The following BIRC6 variants were observed in gnomAD, a reference collection of about 807,000 sequenced individuals.
The protein encoded by BIRC6 is dual E2 ubiquitin-conjugating enzyme/E3 ubiquitin-protein ligase BIRC6.
A neutral mutation model predicts 503.3 loss-of-function variants in BIRC6; 98 were observed. That is an observed-to-expected ratio of 0.19 (90% CI 0.17 to 0.23). BIRC6 has a LOEUF of 0.23. Among genes scored for constraint, BIRC6 ranks in the 10% least tolerant of loss-of-function variants. The pLI, the probability that BIRC6 is intolerant of heterozygous loss-of-function variation, is 1.00. For synonymous variants in BIRC6, 2,240 were observed against 2,078.7 expected (o/e 1.08, Z -2.11); for missense variants, 5,360 against 5,806.0 (o/e 0.92, Z 2.50).
intron 70 of BIRC6, among the ~76,000 whole-genome samples, chr2:32,600,936 G>A (rs538346702): frequency 2.6e-4 from 40 of 152,306 alleles, no homozygotes; most frequent in Admixed American, 9.8e-4. Context: ...CACTTTGGAA[G>A]AAGAATAATT....
At chr2:32,407,492 A>G (rs1225900433) in intron 9 of BIRC6, among the ~76,000 whole-genome samples, 2 of 151,888 alleles carry the variant, frequency 1.3e-5, no homozygotes, top group East Asian at 1.9e-4. Flanking sequence ...AAGTTCATAT[A>G]AAGTGTAGTG....
In BIRC6 at chr2:32,445,546, A is replaced by C; in HGVS notation, c.4362A>C (p.Leu1454Phe). 2 of 1,593,576 alleles carry C rather than the reference A, an allele frequency of 1.3e-6. No homozygotes were observed. Among genetic ancestry groups the C allele is most frequent in the Non-Finnish European group, 1.7e-6 (2 of 1,170,980 alleles). The change falls in exon 21 of 74, where the codon TTA (leucine) becomes TTC (phenylalanine). Residue 1454 changes from leucine (L) to phenylalanine (F), a missense_variant. Physicochemically the swap from Leu to Phe is conservative, Grantham distance 22. Coordinates refer to ENST00000421745, the MANE Select transcript of BIRC6 (RefSeq NM_016252.4). ...GTTCTGTCTATTGGTATTTTGTCTTACTGAATTATGTGAAAGATGAAGATC... is the reference window on the plus strand; with the variant it reads ...GTTCTGTCTATTGGTATTTTGTCTTCCTGAATTATGTGAAAGATGAAGATC... ...TGGSVYWYFV[L>F]LNYVKDEDLA...
intron 65 of BIRC6, among the ~76,000 whole-genome samples, chr2:32,552,733 G>T (rs1160600377): frequency 1.3e-5 from 2 of 152,022 alleles, no homozygotes; most frequent in African/African-American, 4.8e-5. Context: ...AGAGGTGGAG[G>T]TTGCAGTAAG....
chr2:32,602,906 A>G, intron 70 of BIRC6, 100 bp from the exon 71 acceptor site: 3 of 932,520 alleles, frequency 3.2e-6, no homozygotes, highest in South Asian at 1.8e-5. Context: ...TAAAACTGAG[A>G]TATTTTGACA....
chr2:32,395,614 G>C (rs1409115572), intron 6 of BIRC6, 21 bp downstream of exon 6: 1 of 1,558,828 alleles, frequency 6.4e-7, no homozygotes, highest in Non-Finnish European at 8.8e-7. Context: ...ATGTTTCTGG[G>C]CATAATAGGC....
chr2:32,502,200 T>G (rs1360951216), intron 47 of BIRC6, among the ~76,000 whole-genome samples: 1 of 152,192 alleles, frequency 6.6e-6, no homozygotes, highest in East Asian at 1.9e-4. Flanking sequence ...TGAGGTGTTC[T>G]CCATAGATGT....
In BIRC6 at chr2:32,357,795, G is replaced by T. The variant is rs2033343198; in HGVS notation, c.325+309G>T. On this transcript the variant is annotated intron_variant, in intron 1 of 73. Coordinates refer to ENST00000421745, the MANE Select transcript of BIRC6 (RefSeq NM_016252.4). This position sits in a 1 kb window ranked among gnomAD's most constrained non-coding sequence, Gnocchi z 4.9. ...GAGGAGACCTTGGAGCTTGGCACCG[G>T]AGGAAGCGAGGCCCGGGTAGGCCCT... Among the ~76,000 whole-genome samples the T allele has an allele frequency of 6.6e-6, 1 of 152,122 alleles. No homozygotes were observed. Among genetic ancestry groups the T allele is most frequent in the African/African-American group, 2.4e-5 (1 of 41,428 alleles).
At chr2:32,615,080 A>C (rs2063147287) in intron 73 of BIRC6, among the ~76,000 whole-genome samples, 1 of 152,134 alleles carries the variant, frequency 6.6e-6, no homozygotes, top group Admixed American at 6.5e-5. Context: ...GGAATCACGA[A>C]GGCGTAGGGG....
At chr2:32,385,474 G>A (rs145524447) in intron 3 of BIRC6, among the ~76,000 whole-genome samples, 10 of 152,310 alleles carry the variant, frequency 6.6e-5, no homozygotes, top group Admixed American at 2.0e-4. Flanking sequence ...CATTAGTTTC[G>A]TAGATAGATA....
At position 32,415,862 on chromosome 2, in the gene BIRC6, C is replaced by T; in HGVS notation, c.2571C>T (p.Thr857=). ...TCAAAGATCCCCAGGACACAATTAC[C>T]TCGCTCATTTTGCTTCCACCCGATA... is the stretch of plus-strand genomic sequence containing the variant. The part of the protein sequence containing the change: ...QHIKDPQDTI[T]SLILLPPDIL... Residue 857 remains threonine (T), a synonymous_variant, in exon 10 of 74, where the codon ACC becomes ACT. Transcript: ENST00000421745. 2 of 1,613,952 alleles carry T rather than the reference C, an allele frequency of 1.2e-6. No homozygotes were observed. Among genetic ancestry groups the T allele is most frequent in the South Asian group, 1.1e-5 (1 of 91,078 alleles).
chr2:32,489,024 T>A (rs991911781), intron 42 of BIRC6, among the ~76,000 whole-genome samples: 3 of 152,206 alleles, frequency 2.0e-5, no homozygotes, highest in East Asian at 1.9e-4. Flanking sequence ...AGGTCAGTTT[T>A]TTATTATTTT....
intron 21 of BIRC6, among the ~76,000 whole-genome samples, chr2:32,446,750 T>TG (rs2045997088): frequency 7.6e-6 from 1 of 132,288 alleles, no homozygotes; most frequent in Non-Finnish European, 1.6e-5. Flanking sequence ...TTTTTTTTTT[T>TG]TTTTTTTTTT....
intron 65 of BIRC6, among the ~76,000 whole-genome samples, chr2:32,569,757 A>G (rs1212871832): frequency 6.6e-6 from 1 of 151,950 alleles, no homozygotes; most frequent in African/African-American, 2.4e-5. Flanking sequence ...GTATAGAAAC[A>G]TTACTGGTTT....
At position 32,357,172 on chromosome 2, in the gene BIRC6, G is replaced by A; in HGVS notation, c.11G>A (p.Gly4Asp). The change falls in exon 1 of 74, where the codon GGT (glycine) becomes GAT (aspartate). Residue 4 changes from glycine to aspartate, a missense_variant. Coordinates refer to ENST00000421745, the MANE Select transcript of BIRC6 (RefSeq NM_016252.4). This position sits in a 1 kb window ranked among gnomAD's most constrained non-coding sequence, Gnocchi z 4.9. ...GCCCCCTGGCCCCGGATGGTGACTG[G>A]TGGTGGTGCTGCACCTCCCGGGACT... is the stretch of plus-strand genomic sequence containing the variant. MVT[G>D]GGAAPPGTVT... 6.6e-7 allele frequency: 1 copy of A among 1,526,290 alleles called. No individual in the cohort carries two copies. The highest frequency in any genetic ancestry group is 8.7e-7 in the Non-Finnish European group (1 of 1,146,276). The allele number at this position is 1,526,290 out of a possible 1,614,324, so 94.5% of individuals were successfully genotyped here. A position where few individuals can be genotyped will look rare whatever the true frequency, so the allele number is the denominator to read the frequency against.
intron 65 of BIRC6, among the ~76,000 whole-genome samples, chr2:32,566,703 A>G (rs1179242569): frequency 1.3e-5 from 2 of 152,122 alleles, no homozygotes; most frequent in African/African-American, 4.8e-5. Flanking sequence ...GCCCATTGTA[A>G]ATATGATATA....
chr2:32,457,704 G>A (rs2047401761), intron 23 of BIRC6, among the ~76,000 whole-genome samples: 1 of 151,584 alleles, frequency 6.6e-6, no homozygotes, highest in South Asian at 2.1e-4. Flanking sequence ...TTGTCTTTGA[G>A]CTTTTATCTG....
chr2:32,445,784 T>C (rs2045884677), intron 21 of BIRC6, 116 bp downstream of exon 21: 4 of 777,978 alleles, frequency 5.1e-6, no homozygotes, highest in Admixed American at 4.3e-5. Context: ...TACAAAAATG[T>C]TTAGTTTATA....
In BIRC6 at chr2:32,470,175, A is replaced by T; in HGVS notation, c.6355A>T (p.Met2119Leu). ...LLIFPQDRVF[M>L]LLSCIGQRSL... ...TGTTTGTTTTGTTTTTAGGGTCTTC[A>T]TGTTACTTTCCTGCATTGGTCAAAG... Residue 2119 changes from methionine to leucine, a missense_variant, in exon 31 of 74, where the codon ATG becomes TTG. Met to Leu is a conservative substitution (Grantham distance 15, BLOSUM62 2). Coordinates refer to ENST00000421745, the MANE Select transcript of BIRC6 (RefSeq NM_016252.4). 6.5e-7 allele frequency: 1 copy of T among 1,540,074 alleles called. No homozygotes were observed. The highest frequency in any genetic ancestry group is 2.2e-5 in the Admixed American group (1 of 44,624).
At position 32,505,148 on chromosome 2, in the gene BIRC6, C is replaced by T. The variant is rs1418644461; in HGVS notation, c.9643C>T (p.Pro3215Ser). 1 of 1,599,838 alleles carries T rather than the reference C, an allele frequency of 6.3e-7. No homozygotes were observed. The highest frequency in any genetic ancestry group is 1.3e-5 in the African/African-American group (1 of 74,684). Residue 3215 changes from proline (P) to serine (S), a missense_variant, in exon 50 of 74, where the codon CCT becomes TCT. Coordinates refer to ENST00000421745, the MANE Select transcript of BIRC6 (RefSeq NM_016252.4). ...EAWCDLTIHL[P>S]AAVLLKEIHI... ...TTGGTGTGACCTTACCATTCACCTT[C>T]CTGCAGCAGTGCTGCTTAAGGAGAT...
Sources: gnomAD v4.1 joint callset for allele counts (sites outside exome capture counted in the v4.1 genomes callset) on GRCh38, gnomAD v4.1.1 for gene constraint, Gnocchi (gnomAD v3.1) non-coding constraint, MANE v1.5 for transcripts, NCBI Gene and HGNC (gene_info 2026-07-23, HGNC 2026-07-21) for gene names.